TALDO1: variants seen among roughly 807,000 people sequenced by gnomAD.
TALDO1 encodes the protein transaldolase.
Under a neutral mutation model 38.1 loss-of-function variants are expected in TALDO1, and 29 were observed. That is an observed-to-expected ratio of 0.76 (90% CI 0.57 to 1.04). TALDO1 has a LOEUF of 1.04. Among genes scored for constraint, TALDO1 ranks in the 50% least tolerant of loss-of-function variants. The pLI, the probability that TALDO1 is intolerant of heterozygous loss-of-function variation, is 0.00. For synonymous variants in TALDO1, 207 were observed against 176.8 expected (o/e 1.17, Z -1.36); for missense variants, 499 against 438.1 (o/e 1.14, Z -1.24).
At chr11:748,585 TC>T (rs1444844959) in intron 1 of TALDO1, among the ~76,000 whole-genome samples, 1 of 152,246 alleles carries the variant, frequency 6.6e-6, no homozygotes, top group East Asian at 1.9e-4. Context: ...TCCTCTCTTT[TC>T]TGCTTTCTCA....
At position 763,773 on chromosome 11, in the gene TALDO1, A is replaced by T. The variant is rs1047037809; in HGVS notation, c.664A>T (p.Asn222Tyr). 6.2e-6 allele frequency: 10 copies of T among 1,613,892 alleles called. No homozygotes were observed. In the African/African-American group the frequency reaches 6.7e-5, roughly 11 times the overall value. The change falls in exon 6 of 8, where the codon AAC becomes TAC. Residue 222 changes from asparagine to tyrosine, a missense_variant. Physicochemically the swap from Asn to Tyr is moderately radical, Grantham distance 143. Transcript: ENST00000319006. ...PGVKSVTKIYNYYKKFSYKTI... is the reference protein window; with the variant it reads ...PGVKSVTKIYYYYKKFSYKTI... ...GGTAAAGAGTGTCACTAAAATCTAC[A>T]ACTACTACAAGAAGTTTAGCTACAA...
chr11:763,999 T>A, intron 6 of TALDO1, 55 bp downstream of exon 6: 5 of 1,578,718 alleles, frequency 3.2e-6, no homozygotes, highest in Non-Finnish European at 4.3e-6. Context: ...AGCACTGCCG[T>A]GCCACGCTGC....
At chr11:752,090 AGGCGGAGTC>A in intron 1 of TALDO1, among the ~76,000 whole-genome samples, 1 of 151,132 alleles carries the variant, frequency 6.6e-6, no homozygotes, top group Non-Finnish European at 1.5e-5. Context: ...TTTTTTTTGG[AGGCGGAGTC>A]TCGCTCTGTC....
intron 2 of TALDO1, among the ~76,000 whole-genome samples, chr11:758,371 C>T (rs1003545174): frequency 2.6e-5 from 4 of 151,754 alleles, no homozygotes; most frequent in East Asian, 1.9e-4. Context: ...CACTTGAGCC[C>T]GGGAGGTCAA....
At chr11:748,283 T>G (rs1862692830) in intron 1 of TALDO1, among the ~76,000 whole-genome samples, 1 of 152,236 alleles carries the variant, frequency 6.6e-6, no homozygotes, top group Admixed American at 6.5e-5. Flanking sequence ...GTGCCCGGCC[T>G]GCTGGACAGC....
Position 755,939 on chromosome 11 carries a change from C to T in TALDO1, c.158C>T (p.Ala53Val). 1 of 1,614,174 alleles carries T rather than the reference C, an allele frequency of 6.2e-7. No individual in the cohort carries two copies. Among genetic ancestry groups the T allele is most frequent in the Non-Finnish European group, 8.5e-7 (1 of 1,180,016 alleles). Residue 53 changes from alanine to valine, a missense_variant, in exon 2 of 8, where the codon GCA becomes GTA. By Grantham distance (64) the Ala-to-Val change is moderately conservative. Transcript: ENST00000319006. ...TTNPSLILAA[A>V]QMPAYQELVE... Reference sequence around the variant, plus strand: ...AACCCGTCCCTGATCCTGGCCGCAGCACAGATGCCCGCTTACCAGGAGCTG... The same window carrying T: ...AACCCGTCCCTGATCCTGGCCGCAGTACAGATGCCCGCTTACCAGGAGCTG...
chr11:756,037 C>T (rs750640267), intron 2 of TALDO1, 35 bp downstream of exon 2: 3 of 1,603,642 alleles, frequency 1.9e-6, no homozygotes, highest in South Asian at 2.2e-5. Context: ...CCCAGCTAGG[C>T]CCTCGTGCTA....
intron 6 of TALDO1, 136 bp downstream of exon 6, chr11:764,080 C>A: frequency 7.5e-7 from 1 of 1,341,004 alleles, no homozygotes; most frequent in Non-Finnish European, 1.0e-6. Context: ...TAGACCTCAA[C>A]GGAGGGCTTG....
chr11:754,681 A>G (rs984058901), intron 1 of TALDO1, among the ~76,000 whole-genome samples: 9 of 152,262 alleles, frequency 5.9e-5, no homozygotes, highest in Middle Eastern at 3.4e-3. Context: ...CATTTTGGCC[A>G]GGCTGGTTTC....
intron 1 of TALDO1, among the ~76,000 whole-genome samples, chr11:754,204 C>G (rs953624540): frequency 2.0e-5 from 3 of 151,964 alleles, no homozygotes; most frequent in African/African-American, 7.2e-5. Context: ...AGGCTGGTCT[C>G]GAACTCCTGA....
intron 2 of TALDO1, among the ~76,000 whole-genome samples, chr11:757,763 G>A (rs866417613): frequency 1.3e-5 from 2 of 152,208 alleles, no homozygotes; most frequent in African/African-American, 2.4e-5. Flanking sequence ...AAAGATAGAG[G>A]GATGCAGTTT....
chr11:756,926 C>G lies in TALDO1; in HGVS notation c.221+924C>G, dbSNP rs577492054. 4.6e-5 allele frequency among the ~76,000 whole-genome samples: 7 copies of G among 152,336 alleles called. No individual in the cohort carries two copies. The South Asian group carries it at 1.4e-3, about 32-fold the overall frequency. ...AAGCAACTGTAGAGCCCTCTTCATG[C>G]CTGTGGCTTTGCATATTTTAGATGT... On this transcript the variant is annotated intron_variant, in intron 2 of 7. Coordinates refer to ENST00000319006, the MANE Select transcript of TALDO1 (RefSeq NM_006755.2).
intron 1 of TALDO1, among the ~76,000 whole-genome samples, chr11:753,479 C>T (rs1388745718): frequency 2.0e-5 from 3 of 151,596 alleles, no homozygotes; most frequent in African/African-American, 7.3e-5. Flanking sequence ...TGCAGTGAGC[C>T]GAGATGGCGC....
At chr11:763,975 G>A in intron 6 of TALDO1, 31 bp downstream of exon 6, 1 of 1,601,018 alleles carries the variant, frequency 6.2e-7, no homozygotes, top group Non-Finnish European at 8.5e-7. Flanking sequence ...TGTGGCTCCT[G>A]CTCGGGCAAG....
At chr11:747,787 G>T (rs1349194198) in intron 1 of TALDO1, among the ~76,000 whole-genome samples, 1 of 152,124 alleles carries the variant, frequency 6.6e-6, no homozygotes, top group African/African-American at 2.4e-5. Context: ...AGAGGCGCAG[G>T]GCCAGCGGCG....
intron 3 of TALDO1, 60 bp downstream of exon 3, chr11:759,117 G>A: frequency 7.0e-7 from 1 of 1,428,046 alleles, no homozygotes; most frequent in Non-Finnish European, 9.9e-7. Context: ...TGCACACGTG[G>A]ATGCCAACAT....
intron 2 of TALDO1, among the ~76,000 whole-genome samples, chr11:757,467 ATTTGT>A (rs909876270): frequency 8.6e-5 from 13 of 151,578 alleles, no homozygotes; most frequent in African/African-American, 1.7e-4. Context: ...TAATATTTGT[ATTTGT>A]TTTTAGAGGC....
Position 763,325 on chromosome 11 carries a change from A to G in TALDO1, c.462-19A>G. On this transcript the variant is annotated intron_variant, in intron 4 of 7. Coordinates refer to ENST00000319006, the MANE Select transcript of TALDO1 (RefSeq NM_006755.2). ...CCCCGCCCTCACCTGCCCCGCCCTCACCTGTCCCCGCCCCGCAGGGAGCTC... is the reference window on the plus strand; with the variant it reads ...CCCCGCCCTCACCTGCCCCGCCCTCGCCTGTCCCCGCCCCGCAGGGAGCTC... 1 of 1,399,558 alleles carries G rather than the reference A, an allele frequency of 7.1e-7. No homozygotes were observed. Among genetic ancestry groups the G allele is most frequent in the Non-Finnish European group, 9.6e-7 (1 of 1,046,126 alleles). 86.7% of individuals were successfully genotyped at this position (1,399,558 alleles called of 1,614,324 possible).
rs749744736 is a variant in TALDO1 at position 764,403 on chromosome 11, T to C, written c.951T>C (p.Ala317=). The C allele has an allele frequency of 1.2e-6, 2 of 1,614,252 alleles. No homozygotes were observed. The highest frequency in any genetic ancestry group is 1.7e-6 in the Non-Finnish European group (2 of 1,180,030). Residue 317 remains alanine (A), a synonymous_variant, in exon 7 of 8, where the codon GCT becomes GCC. Coordinates refer to ENST00000319006, the MANE Select transcript of TALDO1 (RefSeq NM_006755.2). ...CTGACGGGATCCGCAAGTTTGCCGC[T>C]GATGCAGTGAAGCTGGAGCGGATGC... The part of the protein sequence containing the change: ...KLSDGIRKFA[A]DAVKLERMLT...
Sources: gnomAD v4.1 joint callset for allele counts (sites outside exome capture counted in the v4.1 genomes callset) on GRCh38, gnomAD v4.1.1 for gene constraint, MANE v1.5 for transcripts, NCBI Gene and HGNC (gene_info 2026-07-23, HGNC 2026-07-21) for gene names.